Variants in DENR observed in about 807,000 individuals in gnomAD.
The protein encoded by DENR is density regulated re-initiation and release factor.
DENR carries 6 observed loss-of-function variants against 30.6 expected under a neutral mutation model. That is an observed-to-expected ratio of 0.20 (90% CI 0.11 to 0.39). DENR has a LOEUF of 0.39. DENR is among the 10% of genes least tolerant of loss of function. The pLI, the probability that DENR is intolerant of heterozygous loss-of-function variation, is 1.00. For synonymous variants in DENR, 78 were observed against 72.1 expected, an observed-to-expected ratio of 1.08 and a Z score of -0.41; for missense variants, 141 against 230.9, an observed-to-expected ratio of 0.61 and a Z score of 2.52.
intron 5 of DENR, among the ~76,000 whole-genome samples, chr12:122,765,804 A>G (rs139184011): frequency 1.7e-3 from 257 of 152,258 alleles, no homozygotes; most frequent in African/African-American, 6.0e-3. Context: ...TTGTATGTAA[A>G]AAACAGCTAA....
intron 6 of DENR, 101 bp from the exon 7 acceptor site, chr12:122,768,681 C>T (rs1322740497): frequency 1.9e-6 from 2 of 1,056,582 alleles, no homozygotes; most frequent in East Asian, 2.6e-5. Flanking sequence ...CATTAACAAT[C>T]TGTTTTATGA....
At chr12:122,766,800 A>G (rs1878862302) in intron 5 of DENR, among the ~76,000 whole-genome samples, 1 of 151,812 alleles carries the variant, frequency 6.6e-6, no homozygotes, top group Non-Finnish European at 1.5e-5. Context: ...GCACTGCTTT[A>G]CTTTCAATTT....
rs1878953579 is a variant in DENR, at chr12:122,769,273, TATAC to T, written c.*199_*202del. ...ATATATATATACATACACATATATG[TATAC>T]ATATATACACATATATGTATACATA... On this transcript the variant is annotated 3_prime_UTR_variant, in exon 8 of 8. Transcript: ENST00000280557. 2 of 764,246 alleles carry T rather than the reference TATAC, an allele frequency of 2.6e-6. No individual in the cohort carries two copies. The highest frequency in any genetic ancestry group is 4.3e-5 in the African/African-American group (2 of 46,356). 47.3% of individuals were successfully genotyped at this position (764,246 alleles called of 1,614,324 possible).
At chr12:122,756,420 C>T (rs956192742) in intron 2 of DENR, among the ~76,000 whole-genome samples, 1 of 151,908 alleles carries the variant, frequency 6.6e-6, no homozygotes, top group Non-Finnish European at 1.5e-5. Context: ...CTGCACTCAG[C>T]CTTTGAGAGC....
In DENR at chr12:122,769,612, T is replaced by G; in HGVS notation, c.*534T>G. The G allele has an allele frequency of 2.7e-6, 1 of 365,270 alleles. No individual in the cohort carries two copies. The highest frequency in any genetic ancestry group is 5.9e-5 in the South Asian group (1 of 16,812). 22.6% of individuals were successfully genotyped at this position (365,270 alleles called of 1,614,324 possible). On this transcript the variant is annotated 3_prime_UTR_variant, in exon 8 of 8. Transcript: ENST00000280557. ...ACCTCCGCCTCCCGGGTTCAAGTGA[T>G]TCTCCTGCCTCAGCCTCCCAAGTAG...
chr12:122,769,166 AC>A lies in DENR; in HGVS notation c.*89del. ...GGCCTTTTAAAATATATATATATAT[AC>A]ACATATATATGTATATATACACATA... On this transcript the variant is annotated 3_prime_UTR_variant, in exon 8 of 8. Coordinates refer to ENST00000280557, the MANE Select transcript of DENR (RefSeq NM_003677.5). 8.2e-7 allele frequency: 1 copy of A among 1,222,472 alleles called. No individual in the cohort carries two copies. The highest frequency in any genetic ancestry group is 1.1e-6 in the Non-Finnish European group (1 of 923,042). The allele number at this position is 1,222,472 out of a possible 1,614,324, so 75.7% of individuals were successfully genotyped here. A position where few individuals can be genotyped will look rare whatever the true frequency, so the allele number is the denominator to read the frequency against.
chr12:122,753,872 T>A (rs1478594856), intron 2 of DENR, 65 bp downstream of exon 2: 1 of 1,291,204 alleles, frequency 7.7e-7, no homozygotes, highest in Non-Finnish European at 1.1e-6. Flanking sequence ...AATAACAGTT[T>A]GACATTTGGT....
intron 5 of DENR, among the ~76,000 whole-genome samples, chr12:122,766,006 A>G (rs1461085688): frequency 1.3e-5 from 2 of 151,192 alleles, no homozygotes; most frequent in East Asian, 1.9e-4. Context: ...ATTCTCCCCT[A>G]TGACTAAAAT....
chr12:122,756,419 G>A (rs1349121748), intron 2 of DENR, among the ~76,000 whole-genome samples: 1 of 152,144 alleles, frequency 6.6e-6, no homozygotes, highest in Non-Finnish European at 1.5e-5. Flanking sequence ...ACTGCACTCA[G>A]CCTTTGAGAG....
chr12:122,761,210 G>A (rs1367189136), intron 2 of DENR, among the ~76,000 whole-genome samples: 1 of 151,888 alleles, frequency 6.6e-6, no homozygotes, highest in Non-Finnish European at 1.5e-5. Context: ...TCAGGAGTTT[G>A]AGACCAGTCT....
intron 2 of DENR, among the ~76,000 whole-genome samples, chr12:122,755,017 A>T (rs1878509833): frequency 6.6e-6 from 1 of 152,240 alleles, no homozygotes; most frequent in African/African-American, 2.4e-5. Context: ...TTGGAGATAG[A>T]TAATAGGCTG....
At chr12:122,762,789 C>CAT in intron 3 of DENR, 56 bp from the exon 4 acceptor site, 1 of 1,170,122 alleles carries the variant, frequency 8.5e-7, no homozygotes, top group Admixed American at 2.4e-5. Flanking sequence ...TTAATTACGA[C>CAT]ATATTGTTTG....
Position 122,769,140 on chromosome 12 carries a change from A to G in DENR, c.*62A>G, listed in dbSNP as rs765714063. 228 of 1,517,146 alleles carry G rather than the reference A, an allele frequency of 1.5e-4. No individual in the cohort carries two copies. Among genetic ancestry groups the G allele is most frequent in the Non-Finnish European group, 1.9e-4 (213 of 1,133,608 alleles). The allele number at this position is 1,517,146 out of a possible 1,614,324, so 94.0% of individuals were successfully genotyped here. On this transcript the variant is annotated 3_prime_UTR_variant, in exon 8 of 8. Transcript: ENST00000280557. ...AGAGTTGATATGGCCAAAGGGAGAG[A>G]GGCCTTTTAAAATATATATATATAT... is the stretch of plus-strand genomic sequence containing the variant.
chr12:122,767,434 G>A, intron 5 of DENR, 54 bp from the exon 6 acceptor site: 4 of 1,111,676 alleles, frequency 3.6e-6, no homozygotes, highest in East Asian at 5.4e-5. Flanking sequence ...TTTAAAGACA[G>A]TATTCTCTTA....
chr12:122,763,941 T>A (rs1176413355), intron 4 of DENR, among the ~76,000 whole-genome samples: 2 of 152,072 alleles, frequency 1.3e-5, no homozygotes, highest in Admixed American at 1.3e-4. Context: ...AATTTGAAAT[T>A]TTAGGTAGTA....
chr12:122,755,034 A>C (rs1003929687), intron 2 of DENR, among the ~76,000 whole-genome samples: 8 of 152,246 alleles, frequency 5.3e-5, no homozygotes, highest in Non-Finnish European at 1.2e-4. Context: ...GCTGACTTGC[A>C]ATACAGTGAA....
intron 2 of DENR, chr12:122,754,127 G>T: frequency 2.9e-6 from 1 of 342,082 alleles, no homozygotes; most frequent in Non-Finnish European, 5.7e-6. Context: ...TATGAGTTAA[G>T]GATGGCAAGG....
chr12:122,753,777 G>T lies in DENR; in HGVS notation c.76G>T (p.Asp26Tyr), dbSNP rs371824659. ...AAGGAACAGTGCCAAGTTAGATGCC[G>T]ATTACCCACTTCGAGTCCTTTATTG... ...DPRNSAKLDA[D>Y]YPLRVLYCGV... is the part of the protein sequence containing the mutation. The change falls in exon 2 of 8, where the codon GAT becomes TAT. Residue 26 changes from aspartate to tyrosine, a missense_variant. By Grantham distance (160) the Asp-to-Tyr change is radical. Around this residue, in one of 2 missense-constraint regions of DENR, gnomAD observed 104 missense variants for 138.3 expected, o/e 0.75. Transcript: ENST00000280557. 1.5e-5 allele frequency: 24 copies of T among 1,613,922 alleles called. No homozygotes were observed. The African/African-American group carries it at 2.7e-4, about 18-fold the overall frequency.
intron 5 of DENR, among the ~76,000 whole-genome samples, chr12:122,766,822 T>C (rs1593764307): frequency 6.6e-6 from 1 of 152,182 alleles, no homozygotes; most frequent in African/African-American, 2.4e-5. Flanking sequence ...TTGCCTGAAC[T>C]AACGCAAGAG....
Sources: allele counts gnomAD v4.1 joint callset (sites outside exome capture counted in the v4.1 genomes callset), GRCh38; gene constraint gnomAD v4.1.1; regional missense constraint gnomAD v4.1.1; transcripts MANE v1.5; gene names NCBI Gene and HGNC (gene_info 2026-07-23, HGNC 2026-07-21).